The following SLC14A2 variants were observed in gnomAD, a reference collection of about 807,000 sequenced individuals.
SLC14A2 encodes the protein solute carrier family 14 member 2.
In SLC14A2, 91 loss-of-function variants were observed where a neutral mutation model predicts 104.6. The observed-to-expected ratio is 0.87, with a 90% CI of 0.73 to 1.04. SLC14A2 has a LOEUF of 1.04. Ranked by LOEUF, SLC14A2 falls within the 50% of genes least tolerant of loss-of-function variation. The pLI is 0.00. For synonymous variants in SLC14A2, 476 were observed against 466.4 expected, an observed-to-expected ratio of 1.02 and a Z score of -0.27; for missense variants, 1,189 against 1,156.0, an observed-to-expected ratio of 1.03 and a Z score of -0.41.
chr18:45,358,753 AT>A (rs1377212530), intron 1 of SLC14A2, among the ~76,000 whole-genome samples: 1 of 151,616 alleles, frequency 6.6e-6, no homozygotes, highest in Admixed American at 6.6e-5. Flanking sequence ...ACTTTTTCGT[AT>A]TTTTTTTGCA....
intron 1 of SLC14A2, among the ~76,000 whole-genome samples, chr18:45,355,903 G>A (rs1218827703): frequency 6.6e-6 from 1 of 152,074 alleles, no homozygotes; most frequent in African/African-American, 2.4e-5. Flanking sequence ...TCTCAACCAA[G>A]GTATAAGGCA....
At chr18:45,578,820 C>A (rs1045568584) in intron 2 of SLC14A2, among the ~76,000 whole-genome samples, 2 of 152,246 alleles carry the variant, frequency 1.3e-5, no homozygotes, top group African/African-American at 2.4e-5. Flanking sequence ...TAACAAATCA[C>A]CTCAAACATG....
At chr18:45,508,207 G>T (rs1598937646) in intron 2 of SLC14A2, among the ~76,000 whole-genome samples, 1 of 152,160 alleles carries the variant, frequency 6.6e-6, no homozygotes. Context: ...CTTCACTTGG[G>T]TTCTTGCTGT....
At chr18:45,199,981 C>A in the SLC14A2 span, among the ~76,000 whole-genome samples, 7 of 152,164 alleles carry the variant, frequency 4.6e-5, no homozygotes, top group Non-Finnish European at 4.4e-5. Flanking sequence ...CATTAAAGAA[C>A]CCTAGCTGGA....
rs527930740 is a variant in SLC14A2 at position 45,562,263 on chromosome 18, G to T, written c.-34-62368G>T. ...GTGAATCTACAAGTTAAAAGCTCTA[G>T]GACAGTGCCCAGTCTATACGTAATT... On this transcript the variant is annotated intron_variant, in intron 2 of 20. Coordinates refer to the SLC14A2 transcript ENST00000586448. Among the ~76,000 whole-genome samples, 13 of 152,304 alleles carry T rather than the reference G, an allele frequency of 8.5e-5. 1 individual carries two copies. Among genetic ancestry groups the T allele is most frequent in the African/African-American group, 3.1e-4 (13 of 41,562 alleles).
intron 1 of SLC14A2, among the ~76,000 whole-genome samples, chr18:45,395,480 A>G (rs2086019024): frequency 6.6e-6 from 1 of 152,212 alleles, no homozygotes; most frequent in Non-Finnish European, 1.5e-5. Context: ...GCTTCACAAC[A>G]AGGTGCATAT....
chr18:45,586,960 T>C (rs1179345966), intron 2 of SLC14A2, among the ~76,000 whole-genome samples: 3 of 151,438 alleles, frequency 2.0e-5, no homozygotes, highest in Admixed American at 2.0e-4. Context: ...CTGTCCTTAC[T>C]AGAAAAAAAA....
chr18:45,564,603 T>C (rs944728119), intron 2 of SLC14A2, among the ~76,000 whole-genome samples: 2 of 152,132 alleles, frequency 1.3e-5, no homozygotes, highest in African/African-American at 4.8e-5. Flanking sequence ...GCAGCATCAA[T>C]GCCCCCCAAA....
At chr18:45,535,575 TG>T (rs975373237) in intron 2 of SLC14A2, among the ~76,000 whole-genome samples, 1 of 152,256 alleles carries the variant, frequency 6.6e-6, no homozygotes, top group Non-Finnish European at 1.5e-5. Flanking sequence ...GAAGGAATAA[TG>T]GGGCTGGGAT....
rs78611835 is a variant in SLC14A2 at position 45,509,983 on chromosome 18, G to T, written c.-35+26661G>T. Reference sequence around the variant, plus strand: ...AACCTGAAATCTGAGTGGAGGGGTTGCCCATAATCCTACCCCCTGTTAGGG... The same window carrying T: ...AACCTGAAATCTGAGTGGAGGGGTTTCCCATAATCCTACCCCCTGTTAGGG... On this transcript the variant is annotated intron_variant, in intron 2 of 20. Transcript: ENST00000586448. 1.0e-3 allele frequency among the ~76,000 whole-genome samples: 158 copies of T among 152,234 alleles called. 5 individuals carry two copies. The East Asian group carries it at 0.029, about 28-fold the overall frequency.
At chr18:45,628,217 G>A (rs1451294524) in intron 4 of SLC14A2, among the ~76,000 whole-genome samples, 3 of 151,870 alleles carry the variant, frequency 2.0e-5, no homozygotes, top group South Asian at 2.1e-4. Flanking sequence ...AGGCCAAGGC[G>A]AGTGGATCAC....
At chr18:45,383,581 A>G (rs189268229) in intron 1 of SLC14A2, among the ~76,000 whole-genome samples, 42 of 152,268 alleles carry the variant, frequency 2.8e-4, no homozygotes, top group African/African-American at 8.9e-4. Context: ...GGCAATATTT[A>G]CATGTGTTAG....
intron 2 of SLC14A2, among the ~76,000 whole-genome samples, chr18:45,595,729 T>G (rs1047264393): frequency 1.3e-5 from 2 of 152,164 alleles, no homozygotes; most frequent in African/African-American, 4.8e-5. Context: ...CAAGAAATGC[T>G]CTCAGACATG....
chr18:45,253,790 T>G (rs2084447362), intron 1 of SLC14A2, among the ~76,000 whole-genome samples: 1 of 152,200 alleles, frequency 6.6e-6, no homozygotes, highest in African/African-American at 2.4e-5. Flanking sequence ...ATTTAAGAAA[T>G]ATTTGATTTA....
At chr18:45,654,402 T>G (rs1023593156) in intron 10 of SLC14A2, among the ~76,000 whole-genome samples, 1 of 152,106 alleles carries the variant, frequency 6.6e-6, no homozygotes, top group African/African-American at 2.4e-5. Context: ...CTAGTCCCGA[T>G]GATCTAGATT....
At chr18:45,516,065 A>G (rs2043435828) in intron 2 of SLC14A2, among the ~76,000 whole-genome samples, 1 of 152,256 alleles carries the variant, frequency 6.6e-6, no homozygotes, top group Non-Finnish European at 1.5e-5. Context: ...TCCATACAAA[A>G]CTTAATCTTT....
intron 1 of SLC14A2, among the ~76,000 whole-genome samples, chr18:45,325,748 C>T (rs182791915): frequency 3.8e-4 from 58 of 152,254 alleles, no homozygotes; most frequent in African/African-American, 1.3e-3. Flanking sequence ...GTGACCTAAG[C>T]TGTAATCTTG....
rs1197629985 is a variant in SLC14A2 at position 45,258,365 on chromosome 18, G to T, written c.-125+45174G>T. Among the ~76,000 whole-genome samples the T allele has an allele frequency of 2.8e-5, 4 of 142,556 alleles. 2 individuals carry two copies. Among genetic ancestry groups the T allele is most frequent in the Non-Finnish European group, 3.0e-5 (2 of 65,640 alleles). The allele number at this position is 142,556 out of a possible 152,430, so 93.5% of individuals were successfully genotyped here. A position where few individuals can be genotyped will look rare whatever the true frequency, so the allele number is the denominator to read the frequency against. The stretch of plus-strand genomic sequence containing the variant: ...CTCACAGACCACCCCTGTTGCAACA[G>T]TGAAAACATTACCAGTATCAGGAGT... On this transcript the variant is annotated intron_variant, in intron 1 of 20. Coordinates refer to the SLC14A2 transcript ENST00000586448.
At chr18:45,477,648 G>A (rs2087409092) in intron 1 of SLC14A2, among the ~76,000 whole-genome samples, 1 of 152,174 alleles carries the variant, frequency 6.6e-6, no homozygotes, top group Non-Finnish European at 1.5e-5. Flanking sequence ...GCCCATGACT[G>A]GGGCTGCTGC....
Sources: allele counts gnomAD v4.1 joint callset (sites outside exome capture counted in the v4.1 genomes callset), GRCh38; gene constraint gnomAD v4.1.1; transcripts MANE v1.5; gene names NCBI Gene and HGNC (gene_info 2026-07-23, HGNC 2026-07-21).